Variants in AFF3 observed in about 807,000 individuals in gnomAD.
The protein encoded by AFF3 is AF4/FMR2 family member 3.
AFF3 carries 32 observed loss-of-function variants against 129.7 expected under a neutral mutation model. That is an observed-to-expected ratio of 0.25 (90% CI 0.19 to 0.33). The LOEUF is 0.33. Ranked by LOEUF, AFF3 falls within the 10% of genes least tolerant of loss-of-function variation. AFF3 has a pLI of 1.00. For synonymous variants in AFF3, 644 were observed against 635.4 expected, an observed-to-expected ratio of 1.01 and a Z score of -0.20; for missense variants, 1,373 against 1,592.0, an observed-to-expected ratio of 0.86 and a Z score of 2.34.
chr2:99,792,941 T>C (rs1307807404), intron 8 of AFF3, among the ~76,000 whole-genome samples: 1 of 152,230 alleles, frequency 6.6e-6, no homozygotes, highest in African/African-American at 2.4e-5. Context: ...TGAGTAATTT[T>C]GTACATGGTT....
intron 4 of AFF3, among the ~76,000 whole-genome samples, chr2:100,075,705 A>G (rs1688531635): frequency 6.6e-6 from 1 of 152,168 alleles, no homozygotes; most frequent in South Asian, 2.1e-4. Context: ...TCCAGCTTTT[A>G]CTTTTTCTGA....
At chr2:99,726,570 C>T (rs1679380648) in intron 11 of AFF3, among the ~76,000 whole-genome samples, 1 of 152,128 alleles carries the variant, frequency 6.6e-6, no homozygotes, top group Admixed American at 6.5e-5. Flanking sequence ...GAGTGAGGAG[C>T]ACATGTTTTA....
chr2:99,555,381 T>C (rs992149569), intron 22 of AFF3, among the ~76,000 whole-genome samples: 2 of 152,272 alleles, frequency 1.3e-5, no homozygotes, highest in African/African-American at 2.4e-5. Context: ...TTGTATTGTT[T>C]TAACTTAGGA....
At chr2:100,001,706 G>A (rs1681436068) in intron 7 of AFF3, among the ~76,000 whole-genome samples, 2 of 152,104 alleles carry the variant, frequency 1.3e-5, no homozygotes, top group Admixed American at 1.3e-4. Context: ...GATTACAGGC[G>A]TTAAGCCACT....
chr2:99,643,706 C>T (rs931712672), intron 13 of AFF3, among the ~76,000 whole-genome samples: 1 of 152,140 alleles, frequency 6.6e-6, no homozygotes, highest in African/African-American at 2.4e-5. Context: ...CTGAATCCAA[C>T]CCCCTACACT....
chr2:100,037,027 A>C (rs925445181), intron 4 of AFF3, among the ~76,000 whole-genome samples: 1 of 152,108 alleles, frequency 6.6e-6, no homozygotes. Flanking sequence ...TTGGCAATAT[A>C]TCAAAAGCGT....
At chr2:99,866,925 G>A (rs1379420021) in intron 7 of AFF3, among the ~76,000 whole-genome samples, 2 of 148,758 alleles carry the variant, frequency 1.3e-5, no homozygotes, top group Non-Finnish European at 3.0e-5. Context: ...GCAGTGAGCT[G>A]AGATCACACC....
chr2:99,963,354 T>C (rs1677415502), intron 7 of AFF3, among the ~76,000 whole-genome samples: 1 of 152,082 alleles, frequency 6.6e-6, no homozygotes, highest in Non-Finnish European at 1.5e-5. Context: ...TAAAAGAACA[T>C]CAGAATGGCT....
intron 4 of AFF3, among the ~76,000 whole-genome samples, chr2:100,056,327 CTTA>C (rs1376433002): frequency 1.3e-5 from 2 of 152,172 alleles, no homozygotes; most frequent in Non-Finnish European, 2.9e-5. Context: ...TCACTGCTGC[CTTA>C]TTATATGTTC....
At chr2:99,738,825 C>T (rs146458469) in intron 10 of AFF3, among the ~76,000 whole-genome samples, 2 of 152,136 alleles carry the variant, frequency 1.3e-5, no homozygotes, top group African/African-American at 4.8e-5. Context: ...CCTTCCTCCA[C>T]CCACTCCTCT....
intron 7 of AFF3, among the ~76,000 whole-genome samples, chr2:99,879,082 G>T (rs1363235015): frequency 1.3e-5 from 2 of 152,144 alleles, no homozygotes; most frequent in Non-Finnish European, 2.9e-5. Flanking sequence ...ATAACTCATA[G>T]GGTTGAAAAA....
At chr2:100,020,994 A>C (rs1321438939) in intron 4 of AFF3, among the ~76,000 whole-genome samples, 1 of 152,074 alleles carries the variant, frequency 6.6e-6, no homozygotes, top group Non-Finnish European at 1.5e-5. Flanking sequence ...GTCAGCTCCC[A>C]ATCTTCCCAG....
intron 8 of AFF3, among the ~76,000 whole-genome samples, chr2:99,799,358 G>A (rs186014956): frequency 1.3e-5 from 2 of 151,986 alleles, no homozygotes. Context: ...AGTGAACGGT[G>A]GAATGACTAC....
chr2:100,034,612 A>G (rs1048782466), intron 4 of AFF3, among the ~76,000 whole-genome samples: 1 of 152,202 alleles, frequency 6.6e-6, no homozygotes, highest in South Asian at 2.1e-4. Context: ...ATATCAATGA[A>G]GAAAACATTT....
At chr2:99,832,109 A>G (rs953484283) in intron 8 of AFF3, among the ~76,000 whole-genome samples, 1 of 152,246 alleles carries the variant, frequency 6.6e-6, no homozygotes, top group Non-Finnish European at 1.5e-5. Flanking sequence ...AAATATTGAC[A>G]AACGCCCCGT....
chr2:99,674,868 G>A (rs1035137130), intron 11 of AFF3, among the ~76,000 whole-genome samples: 7 of 152,178 alleles, frequency 4.6e-5, no homozygotes, highest in Admixed American at 3.3e-4. Flanking sequence ...TCACCACAAC[G>A]GTCAAAATGC....
chr2:100,129,541 A>G (rs1692335738), intron 1 of AFF3, among the ~76,000 whole-genome samples: 1 of 152,066 alleles, frequency 6.6e-6, no homozygotes, highest in Non-Finnish European at 1.5e-5. Context: ...TTTACAGGTT[A>G]CTCAGAGCCA....
At chr2:99,689,600 GCCTTACT>G (rs1675397904) in intron 11 of AFF3, among the ~76,000 whole-genome samples, 1 of 138,698 alleles carries the variant, frequency 7.2e-6, no homozygotes, top group Non-Finnish European at 1.5e-5. Context: ...TACTGTCTGA[GCCTTACT>G]CCTTTCTGTA....
chr2:99,611,422 T>G (rs1358459213), intron 13 of AFF3, among the ~76,000 whole-genome samples: 1 of 152,168 alleles, frequency 6.6e-6, no homozygotes, highest in East Asian at 1.9e-4. Context: ...TTTTAAAAAT[T>G]ATTGCTTGTT....
Sources: gnomAD v4.1 joint callset for allele counts (sites outside exome capture counted in the v4.1 genomes callset) on GRCh38, gnomAD v4.1.1 for gene constraint, MANE v1.5 for transcripts, NCBI Gene and HGNC (gene_info 2026-07-23, HGNC 2026-07-21) for gene names.